Variants in PHLDB2 observed in about 807,000 individuals in gnomAD.
PHLDB2 encodes pleckstrin homology-like domain family B member 2.
Under a neutral mutation model 123.6 loss-of-function variants are expected in PHLDB2, and 71 were observed. That is an observed-to-expected ratio of 0.57 (90% CI 0.47 to 0.70). The LOEUF (loss-of-function observed/expected upper bound fraction) is 0.70, where lower values mean the gene tolerates loss of function less well. Ranked by LOEUF, PHLDB2 falls within the 30% of genes least tolerant of loss-of-function variation. The pLI, the probability that PHLDB2 is intolerant of heterozygous loss-of-function variation, is 0.00. For synonymous variants in PHLDB2, 547 were observed against 541.6 expected (o/e 1.01, Z -0.14); for missense variants, 1,446 against 1,519.5 (o/e 0.95, Z 0.80).
intron 7 of PHLDB2, 57 bp downstream of exon 7, chr3:111,939,687 T>C (rs2069736309): frequency 6.6e-6 from 10 of 1,514,594 alleles, no homozygotes; most frequent in Non-Finnish European, 9.0e-6. Flanking sequence ...CTGCTTAACA[T>C]AGCTATGACA....
intron 1 of PHLDB2, among the ~76,000 whole-genome samples, chr3:111,843,097 T>C (rs1411867569): frequency 6.6e-6 from 1 of 152,236 alleles, no homozygotes; most frequent in Non-Finnish European, 1.5e-5. Context: ...TATGTTTTCA[T>C]TTCTTTGGGG....
intron 10 of PHLDB2, among the ~76,000 whole-genome samples, chr3:111,951,551 TG>T (rs2070719721): frequency 2.2e-4 from 33 of 152,148 alleles, no homozygotes; most frequent in Admixed American, 1.8e-3. Context: ...GACTTCAAAA[TG>T]ATCAGACCTA....
chr3:111,974,756 A>C lies in PHLDB2; in HGVS notation c.*193A>C, dbSNP rs928479250. 2 of 437,990 alleles carry C rather than the reference A, an allele frequency of 4.6e-6. No homozygotes were observed. Among genetic ancestry groups the C allele is most frequent in the Admixed American group, 8.8e-5 (2 of 22,656 alleles). The allele number at this position is 437,990 out of a possible 1,614,324, so 27.1% of individuals were successfully genotyped here. A position where few individuals can be genotyped will look rare whatever the true frequency, so the allele number is the denominator to read the frequency against. ...GTTTTAATACAAACCTTCATAATAAATAGCAAAATAATTGAAGCTTCCATG... is the reference window on the plus strand; with the variant it reads ...GTTTTAATACAAACCTTCATAATAACTAGCAAAATAATTGAAGCTTCCATG... On this transcript the variant is annotated 3_prime_UTR_variant, in exon 18 of 18. Transcript: ENST00000431670.
At chr3:111,973,951 G>A (rs533948640) in intron 17 of PHLDB2, 134 bp downstream of exon 17, 97 of 498,352 alleles carry the variant, frequency 1.9e-4, no homozygotes, top group Middle Eastern at 1.7e-3. Context: ...TGCTGGAAAA[G>A]TAAACATGAA....
chr3:111,872,317 A>G (rs57738321), intron 1 of PHLDB2, among the ~76,000 whole-genome samples: 7,260 of 152,234 alleles, frequency 0.048, 412 homozygotes, highest in African/African-American at 0.13. Context: ...AGGAAACCCA[A>G]AACAAACACA....
intron 2 of PHLDB2, among the ~76,000 whole-genome samples, chr3:111,911,968 T>C (rs2067907974): frequency 6.6e-6 from 1 of 152,228 alleles, no homozygotes; most frequent in Non-Finnish European, 1.5e-5. Context: ...AAGTTTGTCT[T>C]TACAAATTAG....
intron 1 of PHLDB2, among the ~76,000 whole-genome samples, chr3:111,733,765 T>C (rs1179187724): frequency 6.6e-6 from 1 of 152,248 alleles, no homozygotes; most frequent in East Asian, 1.9e-4. Context: ...CTAATATGAT[T>C]CACTCTTCCT....
At chr3:111,886,672 G>C (rs1294551818) in intron 2 of PHLDB2, among the ~76,000 whole-genome samples, 12 of 152,168 alleles carry the variant, frequency 7.9e-5, no homozygotes, top group Non-Finnish European at 5.9e-5. Context: ...TGTTCTTACA[G>C]AGTTTTCAAA....
intron 6 of PHLDB2, among the ~76,000 whole-genome samples, chr3:111,937,480 A>T (rs1333651667): frequency 1.3e-5 from 2 of 152,168 alleles, no homozygotes; most frequent in African/African-American, 2.4e-5. Flanking sequence ...TTATATTTAT[A>T]AAAAATCTGG....
Position 111,791,019 on chromosome 3 carries a change from G to C in PHLDB2, c.-48-54802G>C, listed in dbSNP as rs149976510. 6.1e-3 allele frequency among the ~76,000 whole-genome samples: 924 copies of C among 151,926 alleles called. 10 individuals are homozygous for C. The highest frequency in any genetic ancestry group is 0.02 in the African/African-American group (843 of 41,436). On this transcript the variant is annotated intron_variant, in intron 1 of 17. Transcript: ENST00000393923. ...GAACCTTTTCCATAAATATTTCTCT[G>C]TAATATTATCTTCCCTAACTTTTGG... is the stretch of plus-strand genomic sequence containing the variant.
chr3:111,969,636 C>T (rs558202665), intron 15 of PHLDB2, 54 bp from the exon 16 acceptor site: 40 of 1,472,464 alleles, frequency 2.7e-5, no homozygotes, highest in Non-Finnish European at 3.6e-5. Context: ...CATCTGTGAC[C>T]TAAAACAAAA....
At chr3:111,881,438 T>C (rs1303974049) in intron 1 of PHLDB2, among the ~76,000 whole-genome samples, 1 of 152,170 alleles carries the variant, frequency 6.6e-6, no homozygotes. Context: ...ATTACTGCAA[T>C]ATTAAATTTA....
chr3:111,845,651 C>T (rs746017478), intron 1 of PHLDB2, among the ~76,000 whole-genome samples: 7 of 152,100 alleles, frequency 4.6e-5, no homozygotes, highest in Non-Finnish European at 1.0e-4. Flanking sequence ...GGGAAGATAG[C>T]AGTGGAATAA....
chr3:111,772,864 G>A lies in PHLDB2; in HGVS notation c.-49+40161G>A, dbSNP rs556225246. Among the ~76,000 whole-genome samples, 4 of 152,304 alleles carry A rather than the reference G, an allele frequency of 2.6e-5. No homozygotes were observed. The South Asian group carries it at 8.3e-4, about 32-fold the overall frequency. On this transcript the variant is annotated intron_variant, in intron 1 of 17. Transcript: ENST00000393923. ...TTTTTTTAACAGGCCCCACAGGCCT[G>A]CACCCCTGAAGGAGGGTTGGTGTGT...
In PHLDB2 at chr3:111,913,396, C is replaced by G. The variant is rs762049849; in HGVS notation, c.1413C>G (p.Thr471=). ...TKPDSRLSTG[T]TVEDVQKINK... Reference sequence around the variant, plus strand: ...CTGACAGTCGCTTATCTACTGGGACCACCGTGGAAGATGTGCAGAAAATCA... The same window carrying G: ...CTGACAGTCGCTTATCTACTGGGACGACCGTGGAAGATGTGCAGAAAATCA... Residue 471 remains threonine, a synonymous_variant, in exon 3 of 18, where the codon ACC becomes ACG. Coordinates refer to ENST00000431670, the MANE Select transcript of PHLDB2 (RefSeq NM_001134438.2). 1.9e-6 allele frequency: 3 copies of G among 1,614,096 alleles called. No individual in the cohort carries two copies. The highest frequency in any genetic ancestry group is 2.5e-6 in the Non-Finnish European group (3 of 1,180,022).
At chr3:111,815,368 T>A (rs1177586314) in intron 1 of PHLDB2, among the ~76,000 whole-genome samples, 1 of 152,146 alleles carries the variant, frequency 6.6e-6, no homozygotes, top group Non-Finnish European at 1.5e-5. Context: ...CAGGAAAATG[T>A]GGGAAAGTTT....
chr3:111,946,978 G>C (rs2070351543), intron 9 of PHLDB2, among the ~76,000 whole-genome samples: 1 of 152,082 alleles, frequency 6.6e-6, no homozygotes, highest in African/African-American at 2.4e-5. Context: ...ACAGTTCACA[G>C]TTCTTGCTGA....
intron 2 of PHLDB2, among the ~76,000 whole-genome samples, chr3:111,897,595 C>A (rs749283903): frequency 2.0e-5 from 3 of 152,162 alleles, no homozygotes; most frequent in Non-Finnish European, 4.4e-5. Flanking sequence ...TATCCCAGCT[C>A]TGGGGTTGTA....
chr3:111,818,646 T>A (rs922320728), intron 1 of PHLDB2, among the ~76,000 whole-genome samples: 1 of 152,184 alleles, frequency 6.6e-6, no homozygotes, highest in Non-Finnish European at 1.5e-5. Flanking sequence ...ATGGCCTTGC[T>A]AGCTAGAGCC....
Sources: gnomAD v4.1 joint callset for allele counts (sites outside exome capture counted in the v4.1 genomes callset) on GRCh38, gnomAD v4.1.1 for gene constraint, MANE v1.5 for transcripts, NCBI Gene and HGNC (gene_info 2026-07-23, HGNC 2026-07-21) for gene names.